Variants in COL5A1 observed in about 807,000 individuals in gnomAD.
The protein encoded by COL5A1 is collagen type V alpha 1 chain, also known as collagen alpha-1(V) chain.
Under a neutral mutation model 263.7 loss-of-function variants are expected in COL5A1, and 16 were observed. The ratio of observed to expected loss-of-function variants is 0.06; its 90% CI spans 0.04 to 0.09. The LOEUF (loss-of-function observed/expected upper bound fraction) is 0.09. Among genes scored for constraint, COL5A1 ranks in the 10% least tolerant of loss-of-function variants. COL5A1 has a pLI of 1.00. For synonymous variants in COL5A1, 1,012 were observed against 1,004.5 expected, an observed-to-expected ratio of 1.01 and a Z score of -0.14; for missense variants, 2,036 against 2,540.5, an observed-to-expected ratio of 0.80 and a Z score of 4.27.
intron 53 of COL5A1, among the ~76,000 whole-genome samples, 187 bp downstream of exon 53, chr9:134,817,266 G>A (rs770695927): frequency 1.3e-5 from 2 of 152,208 alleles, no homozygotes; most frequent in Non-Finnish European, 2.9e-5. Flanking sequence ...CCAGGTCGAC[G>A]CAGCTGCTCC....
rs758431206 is a variant in COL5A1, at chr9:134,727,338, G to A, written c.727G>A (p.Asp243Asn). The A allele has an allele frequency of 3.0e-5, 48 of 1,614,096 alleles. No homozygotes were observed. The highest frequency in any genetic ancestry group is 4.1e-5 in the Non-Finnish European group (48 of 1,179,962). ...AYDYCEHYSP[D>N]CDTAVPDTPQ... is the part of the protein sequence containing the mutation. ...TGATTACTGTGAGCACTACAGCCCT[G>A]ACTGTGACACCGCAGTACCTGACAC... The change falls in exon 5 of 66, where the codon GAC becomes AAC. Residue 243 changes from aspartate to asparagine, a missense_variant. By Grantham distance (23) the Asp-to-Asn change is conservative. Transcript: ENST00000371817.
Position 134,754,277 on chromosome 9 carries a change from C to T in COL5A1, c.1778C>T (p.Pro593Leu). The change falls in exon 16 of 66, where the codon CCT becomes CTT. Residue 593 changes from proline to leucine, a missense_variant. Pro to Leu is a moderately conservative substitution (Grantham distance 98, BLOSUM62 -3). Transcript: ENST00000371817. This position sits in a 1 kb window ranked among gnomAD's most constrained non-coding sequence, Gnocchi z 4.3. ...GEPGDVGPQG[P>L]RGVQGPPGPA... is the part of the protein sequence containing the mutation. ...TTTGTCTCTTACCCCTGGCAGGGTCCTCGAGGTGTGCAAGGCCCGCCTGGT... is the reference window on the plus strand; with the variant it reads ...TTTGTCTCTTACCCCTGGCAGGGTCTTCGAGGTGTGCAAGGCCCGCCTGGT... 1 of 1,613,906 alleles carries T rather than the reference C, an allele frequency of 6.2e-7. No homozygotes were observed. Among genetic ancestry groups the T allele is most frequent in the Non-Finnish European group, 8.5e-7 (1 of 1,180,052 alleles).
intron 4 of COL5A1, among the ~76,000 whole-genome samples, chr9:134,703,627 GTTTTTTTTTTTTTTTT>G (rs55882557): frequency 4.0e-4 from 29 of 73,302 alleles, no homozygotes; most frequent in Middle Eastern, 0.013. Flanking sequence ...GTGGCCTCGG[GTTTTTTTTTTTTTTTT>G]TTTTTTTTTT....
intron 39 of COL5A1, among the ~76,000 whole-genome samples, chr9:134,804,603 A>T (rs998628132): frequency 3.3e-5 from 5 of 152,166 alleles, no homozygotes; most frequent in Non-Finnish European, 4.4e-5. Flanking sequence ...GCAGGGGTAG[A>T]GTCAGATTTG....
intron 64 of COL5A1, among the ~76,000 whole-genome samples, chr9:134,830,661 GCAGATTCC>G (rs1839578054): frequency 6.6e-6 from 1 of 152,226 alleles, no homozygotes; most frequent in African/African-American, 2.4e-5. Flanking sequence ...CCACCGGGCT[GCAGATTCC>G]CAGTTACACT....
intron 62 of COL5A1, among the ~76,000 whole-genome samples, chr9:134,825,077 C>T (rs1215204173): frequency 6.6e-6 from 1 of 152,230 alleles, no homozygotes; most frequent in African/African-American, 2.4e-5. Context: ...GCTTTGAGGT[C>T]AGACTCTCCA....
At chr9:134,750,724 C>A in intron 12 of COL5A1, 66 bp from the exon 13 acceptor site, 1 of 1,598,774 alleles carries the variant, frequency 6.3e-7, no homozygotes, top group South Asian at 1.1e-5. Context: ...GGCCCCGTCT[C>A]AGTCTGTGGT....
intron 1 of COL5A1, among the ~76,000 whole-genome samples, chr9:134,667,480 G>C (rs1033446840): frequency 2.0e-5 from 3 of 152,164 alleles, no homozygotes; most frequent in African/African-American, 7.2e-5. Flanking sequence ...TGTGGCCGGT[G>C]ACCTCCAGCC....
chr9:134,690,733 C>T (rs1284488459), intron 1 of COL5A1, among the ~76,000 whole-genome samples, 179 bp from the exon 2 acceptor site: 3 of 152,180 alleles, frequency 2.0e-5, no homozygotes, highest in South Asian at 4.1e-4. Context: ...GACCCTCCTC[C>T]GCAGCGTGGT....
intron 1 of COL5A1, chr9:134,653,479 G>C (rs926717614): frequency 6.6e-6 from 1 of 152,328 alleles, no homozygotes; most frequent in Non-Finnish European, 1.5e-5. Context: ...TGCGTTCTTC[G>C]GTAACTATTT....
rs920556488 is a variant in COL5A1 at position 134,842,621 on chromosome 9, T to C, written c.*318T>C. Reference sequence around the variant, plus strand: ...CCAGCCCCCCAGCTCGCCCGACCCATCCTGTTCGTGAATAGGTCTCAGGGG... The same window carrying C: ...CCAGCCCCCCAGCTCGCCCGACCCACCCTGTTCGTGAATAGGTCTCAGGGG... On this transcript the variant is annotated 3_prime_UTR_variant, in exon 66 of 66. Coordinates refer to ENST00000371817, the MANE Select transcript of COL5A1 (RefSeq NM_000093.5). The surrounding 1 kb of genome is among the most constrained non-coding windows in gnomAD (Gnocchi z 5.8). 9 of 498,214 alleles carry C rather than the reference T, an allele frequency of 1.8e-5. No individual in the cohort carries two copies. Among genetic ancestry groups the C allele is most frequent in the Non-Finnish European group, 3.3e-5 (9 of 275,086 alleles). The allele number at this position is 498,214 out of a possible 1,614,324, so 30.9% of individuals were successfully genotyped here. A position where few individuals can be genotyped will look rare whatever the true frequency, so the allele number is the denominator to read the frequency against.
chr9:134,690,240 C>T lies in COL5A1; in HGVS notation c.110-672C>T, dbSNP rs150112261. On this transcript the variant is annotated intron_variant, in intron 1 of 65. Transcript: ENST00000371817. ...TCTGGCGATGTGGGCAGGGGTCTTC[C>T]AGGGCAATGGAAACTGCACACCCGC... Among the ~76,000 whole-genome samples the T allele has an allele frequency of 7.5e-3, 1,143 of 152,214 alleles. 26 individuals carry two copies. In the South Asian group the frequency reaches 0.076, roughly 10 times the overall value.
At chr9:134,830,259 C>G in intron 64 of COL5A1, 1 of 1,383,206 alleles carries the variant, frequency 7.2e-7, no homozygotes, top group Non-Finnish European at 1.0e-6. Context: ...GCACCCATCG[C>G]TGCCATGTGT....
intron 26 of COL5A1, among the ~76,000 whole-genome samples, chr9:134,774,323 G>A (rs1354965006): frequency 3.3e-5 from 5 of 152,148 alleles, no homozygotes; most frequent in African/African-American, 4.8e-5. Flanking sequence ...GGAGGGAGGC[G>A]GTGGGAGCCG....
intron 53 of COL5A1, 128 bp downstream of exon 53, chr9:134,817,207 C>T: frequency 1.2e-6 from 1 of 809,810 alleles, no homozygotes; most frequent in Non-Finnish European, 2.1e-6. Flanking sequence ...TCGGGTGTGG[C>T]ATGTTCTCCA....
At chr9:134,708,972 C>G (rs761482429) in intron 4 of COL5A1, 5 of 456,622 alleles carry the variant, frequency 1.1e-5, no homozygotes, top group Non-Finnish European at 1.3e-5. Context: ...CTCTCTCTTC[C>G]CCCTGTGTCT....
At position 134,817,078 on chromosome 9, in the gene COL5A1, G is replaced by A. The variant is rs863223479; in HGVS notation, c.4175G>A (p.Arg1392Lys). The part of the protein sequence containing the change: ...EPGPSGPPGK[R>K]GPPGPAGPEG... ...GGTCCATCGGGGCCTCCAGGAAAAAGGGTAAATAATCCTGCAGGCACATCC... is the reference window on the plus strand; with the variant it reads ...GGTCCATCGGGGCCTCCAGGAAAAAAGGTAAATAATCCTGCAGGCACATCC... Residue 1392 changes from arginine (R) to lysine (K), a missense_variant and splice_region_variant, in exon 53 of 66, where the codon AGG becomes AAG. Physicochemically the swap from Arg to Lys is conservative, Grantham distance 26. Transcript: ENST00000371817. 6 of 1,613,366 alleles carry A rather than the reference G, an allele frequency of 3.7e-6. No individual in the cohort carries two copies. The highest frequency in any genetic ancestry group is 4.5e-5 in the East Asian group (2 of 44,880).
In COL5A1 at chr9:134,742,225, C is replaced by T. The variant is rs936027075; in HGVS notation, c.1494+3417C>T. 6.6e-6 allele frequency among the ~76,000 whole-genome samples: 1 copy of T among 152,226 alleles called. No homozygotes were observed. The highest frequency in any genetic ancestry group is 1.5e-5 in the Non-Finnish European group (1 of 68,050). On this transcript the variant is annotated intron_variant, in intron 11 of 65. Coordinates refer to ENST00000371817, the MANE Select transcript of COL5A1 (RefSeq NM_000093.5). The surrounding 1 kb of genome is among the most constrained non-coding windows in gnomAD (Gnocchi z 4.6). Reference sequence around the variant, plus strand: ...TTCTAGCACCTCAAATCCTTTCTTGCTCTTGTGCCCACGGCTGCCCGCAGG... The same window carrying T: ...TTCTAGCACCTCAAATCCTTTCTTGTTCTTGTGCCCACGGCTGCCCGCAGG...
intron 10 of COL5A1, 68 bp downstream of exon 10, chr9:134,738,583 C>T (rs527314610): frequency 1.2e-5 from 19 of 1,593,556 alleles, no homozygotes; most frequent in Non-Finnish European, 1.6e-5. Context: ...GGTGACACCC[C>T]TTATGTCTCC....
Sources: allele counts gnomAD v4.1 joint callset (sites outside exome capture counted in the v4.1 genomes callset), GRCh38; gene constraint gnomAD v4.1.1; non-coding constraint Gnocchi (gnomAD v3.1); transcripts MANE v1.5; gene names NCBI Gene and HGNC (gene_info 2026-07-23, HGNC 2026-07-21).